Variants in OXR1 observed in about 807,000 individuals in gnomAD.
The protein encoded by OXR1 is oxidation resistance 1.
OXR1 carries 41 observed loss-of-function variants against 104.6 expected under a neutral mutation model. The ratio of observed to expected loss-of-function variants is 0.39; its 90% CI spans 0.31 to 0.51. The LOEUF (loss-of-function observed/expected upper bound fraction) is 0.51. OXR1 is among the 20% of genes least tolerant of loss of function. The pLI is 0.77. For synonymous variants in OXR1, 348 were observed against 348.4 expected (o/e 1.00, Z 0.01); for missense variants, 955 against 1,031.9 (o/e 0.93, Z 1.02).
At chr8:106,577,335 C>T (rs930832708) in intron 3 of OXR1, among the ~76,000 whole-genome samples, 5 of 147,640 alleles carry the variant, frequency 3.4e-5, no homozygotes, top group East Asian at 4.0e-4. Flanking sequence ...CTCAGCCTCC[C>T]GAGTAGCTGG....
At chr8:106,340,726 T>C (rs570006174) in intron 1 of OXR1, among the ~76,000 whole-genome samples, 13 of 152,150 alleles carry the variant, frequency 8.5e-5, no homozygotes, top group Non-Finnish European at 1.6e-4. Context: ...ACAGTGCCTC[T>C]CATATATAGA....
At chr8:106,322,801 T>C (rs2130186189) in intron 1 of OXR1, among the ~76,000 whole-genome samples, 1 of 151,920 alleles carries the variant, frequency 6.6e-6, no homozygotes, top group South Asian at 2.1e-4. Flanking sequence ...ACAAAAAGAA[T>C]AAAATACCTA....
intron 1 of OXR1, among the ~76,000 whole-genome samples, chr8:106,358,348 C>G (rs1473228510): frequency 6.6e-6 from 1 of 152,112 alleles, no homozygotes; most frequent in African/African-American, 2.4e-5. Context: ...AACTTGTAGC[C>G]CAGCCTAATG....
chr8:106,709,660 G>A (rs1187215864), intron 9 of OXR1, among the ~76,000 whole-genome samples: 2 of 151,982 alleles, frequency 1.3e-5, no homozygotes, highest in Non-Finnish European at 2.9e-5. Flanking sequence ...AAAATTGATA[G>A]ATGTTTTTAA....
intron 2 of OXR1, among the ~76,000 whole-genome samples, chr8:106,395,835 G>A (rs985540473): frequency 3.3e-5 from 5 of 151,940 alleles, no homozygotes; most frequent in Non-Finnish European, 7.4e-5. Flanking sequence ...TGGGAAAATG[G>A]CTAATTCTAG....
intron 15 of OXR1, among the ~76,000 whole-genome samples, chr8:106,743,469 A>T (rs1403077479): frequency 1.3e-5 from 2 of 152,044 alleles, no homozygotes; most frequent in East Asian, 3.9e-4. Flanking sequence ...TTACAGGTGT[A>T]CACACCATGC....
chr8:106,345,682 CAGA>C (rs1044874141), intron 1 of OXR1, among the ~76,000 whole-genome samples: 1 of 152,156 alleles, frequency 6.6e-6, no homozygotes, highest in Admixed American at 6.5e-5. Context: ...ATAAAATATA[CAGA>C]GAAAGATTAA....
chr8:106,297,020 T>G (rs879734894), intron 1 of OXR1, among the ~76,000 whole-genome samples: 1 of 152,170 alleles, frequency 6.6e-6, no homozygotes, highest in Non-Finnish European at 1.5e-5. Context: ...TCACTGCTGT[T>G]TAGAGGCACT....
intron 2 of OXR1, among the ~76,000 whole-genome samples, chr8:106,486,401 A>T (rs1225994441): frequency 1.3e-5 from 2 of 152,134 alleles, no homozygotes; most frequent in African/African-American, 4.8e-5. Flanking sequence ...TCTCTCAGAT[A>T]TGACCTTCCA....
Position 106,365,688 on chromosome 8 carries a change from C to T in OXR1, c.23+6052C>T, listed in dbSNP as rs114599531. ...TTAAATACACTACATTTTTAGAATC[C>T]GCAACCATTTTTTGGCTTTGAGCTA... On this transcript the variant is annotated intron_variant, in intron 2 of 16. Coordinates refer to ENST00000517566, the MANE Select transcript of OXR1 (RefSeq NM_001198533.2). 4.9e-3 allele frequency among the ~76,000 whole-genome samples: 741 copies of T among 152,026 alleles called. 8 individuals carry two copies. The highest frequency in any genetic ancestry group is 0.017 in the African/African-American group (689 of 41,472).
At chr8:106,621,563 A>G (rs912842491) in intron 3 of OXR1, among the ~76,000 whole-genome samples, 3 of 152,172 alleles carry the variant, frequency 2.0e-5, no homozygotes, top group Non-Finnish European at 4.4e-5. Context: ...AAGACAGGAT[A>G]CTTCAATGGC....
chr8:106,740,479 A>G lies in OXR1; in HGVS notation c.2300A>G (p.Lys767Arg). ...GLDTPVLMVI[K>R]DSDGQVFGAL... is the part of the protein sequence containing the mutation. ...GACACCCCAGTGCTGATGGTGATTA[A>G]AGACAGTGATGGACAGGTATGAAAC... is the stretch of plus-strand genomic sequence containing the variant. The change falls in exon 14 of 17, where the codon AAA (lysine) becomes AGA (arginine). Residue 767 changes from lysine (K) to arginine (R), a missense_variant. Lys to Arg is a conservative substitution (Grantham distance 26, BLOSUM62 2). Coordinates refer to ENST00000517566, the MANE Select transcript of OXR1 (RefSeq NM_001198533.2). 6.2e-7 allele frequency: 1 copy of G among 1,612,176 alleles called. No homozygotes were observed. Among genetic ancestry groups the G allele is most frequent in the Non-Finnish European group, 8.5e-7 (1 of 1,178,992 alleles).
At chr8:106,678,737 T>G (rs1408283210) in intron 3 of OXR1, among the ~76,000 whole-genome samples, 5 of 152,002 alleles carry the variant, frequency 3.3e-5, no homozygotes, top group Non-Finnish European at 7.4e-5. Flanking sequence ...ATATGAAAGT[T>G]CATAATTTAA....
In OXR1 at chr8:106,359,473, T is replaced by C. The variant is rs982622211; in HGVS notation, c.-138-3T>C. 18 of 662,852 alleles carry C rather than the reference T, an allele frequency of 2.7e-5. No homozygotes were observed. In the South Asian group the frequency reaches 3.1e-4, roughly 12 times the overall value. 41.1% of individuals were successfully genotyped at this position (662,852 alleles called of 1,614,324 possible). ...GATATTCATTTATTTCTTTTCTTTA[T>C]AGGTCCTCTCAAACTGTGAGTAACT... On this transcript the variant is annotated splice_polypyrimidine_tract_variant and splice_region_variant and intron_variant, in intron 1 of 16. Transcript: ENST00000517566.
At chr8:106,548,613 T>C (rs1815559391) in intron 3 of OXR1, among the ~76,000 whole-genome samples, 1 of 152,184 alleles carries the variant, frequency 6.6e-6, no homozygotes, top group Non-Finnish European at 1.5e-5. Context: ...AAAGAGTAGT[T>C]TACACTCTCT....
At chr8:106,358,812 T>C (rs919020451) in intron 1 of OXR1, among the ~76,000 whole-genome samples, 4 of 150,942 alleles carry the variant, frequency 2.7e-5, no homozygotes, top group African/African-American at 9.8e-5. Flanking sequence ...TTTCCTATTA[T>C]TTAGTGGAAT....
At chr8:106,647,622 C>A (rs555233606) in intron 3 of OXR1, among the ~76,000 whole-genome samples, 9 of 152,190 alleles carry the variant, frequency 5.9e-5, no homozygotes, top group South Asian at 2.1e-4. Flanking sequence ...TCTAAACTTA[C>A]AAAATCTGTT....
chr8:106,471,112 CA>C (rs1408148534), intron 2 of OXR1, among the ~76,000 whole-genome samples: 2 of 150,954 alleles, frequency 1.3e-5, no homozygotes, highest in South Asian at 2.1e-4. Context: ...GAAGTGGGAT[CA>C]AAAGAAAGTA....
intron 3 of OXR1, among the ~76,000 whole-genome samples, chr8:106,660,601 C>A (rs1825661815): frequency 6.6e-6 from 1 of 152,184 alleles, no homozygotes; most frequent in Admixed American, 6.5e-5. Flanking sequence ...TGTTCCTTCT[C>A]ACAACCCAAC....
Sources: gnomAD v4.1 joint callset for allele counts (sites outside exome capture counted in the v4.1 genomes callset) on GRCh38, gnomAD v4.1.1 for gene constraint, MANE v1.5 for transcripts, NCBI Gene and HGNC (gene_info 2026-07-23, HGNC 2026-07-21) for gene names.